The following UTP15 variants were observed in gnomAD, a reference collection of about 807,000 sequenced individuals.
UTP15 encodes UTP15 small subunit processome component, also known as U3 small nucleolar RNA-associated protein 15 homolog.
Under a neutral mutation model 59.1 loss-of-function variants are expected in UTP15, and 5 were observed. That is an observed-to-expected ratio of 0.08 (90% confidence interval 0.04 to 0.18). UTP15 has a LOEUF of 0.18. Among genes scored for constraint, UTP15 ranks in the 10% least tolerant of loss-of-function variants. The pLI is 1.00. For synonymous variants in UTP15, 211 were observed against 212.2 expected (o/e 0.99, Z 0.05); for missense variants, 494 against 616.7 (o/e 0.80, Z 2.11).
intron 7 of UTP15, among the ~76,000 whole-genome samples, chr5:73,574,543 A>C (rs560312540): frequency 7.8e-4 from 118 of 150,694 alleles, no homozygotes; most frequent in Non-Finnish European, 1.4e-3. Context: ...GCTGGAGGGC[A>C]GTGGCATGAT....
Position 73,579,165 on chromosome 5 carries a change from T to C in UTP15, c.1280+15T>C, listed in dbSNP as rs1166592678. ...TTTTTGATAAGGTATGTTTTTTGTC[T>C]GTGAAACACTTACATTTTGCATCTG... On this transcript the variant is annotated intron_variant, in intron 11 of 12. Transcript: ENST00000296792. 3.7e-6 allele frequency: 6 copies of C among 1,612,936 alleles called. No individual in the cohort carries two copies. The highest frequency in any genetic ancestry group is 5.1e-6 in the Non-Finnish European group (6 of 1,179,532).
chr5:73,570,496 C>G, intron 5 of UTP15, 90 bp from the exon 6 acceptor site: 2 of 1,353,012 alleles, frequency 1.5e-6, no homozygotes, highest in African/African-American at 1.5e-5. Context: ...TCCATCTAAG[C>G]TTTTTTTCCT....
At position 73,580,426 on chromosome 5, in the gene UTP15, A is replaced by G. The variant is rs1561281308; in HGVS notation, c.*332A>G. 5.4e-6 allele frequency: 1 copy of G among 185,492 alleles called. No individual in the cohort carries two copies. Among genetic ancestry groups the G allele is most frequent in the Non-Finnish European group, 1.1e-5 (1 of 90,472 alleles). The allele number at this position is 185,492 out of a possible 1,614,324, so 11.5% of individuals were successfully genotyped here. On this transcript the variant is annotated 3_prime_UTR_variant, in exon 13 of 13. Transcript: ENST00000296792. ...TATTCAGATGGGAATTCAAATATGA[A>G]TCCTCTCTGGAGAGGGTCCAACTGG...
intron 7 of UTP15, among the ~76,000 whole-genome samples, chr5:73,575,799 C>T (rs1007422676): frequency 6.0e-5 from 9 of 150,856 alleles, no homozygotes; most frequent in East Asian, 2.0e-4. Context: ...CTCGGCTCAC[C>T]GCACCTTCTG....
At chr5:73,568,398 A>C in intron 3 of UTP15, 22 bp from the exon 4 acceptor site, 1 of 1,602,076 alleles carries the variant, frequency 6.2e-7, no homozygotes, top group Non-Finnish European at 8.5e-7. Flanking sequence ...CATCTGGTGA[A>C]ATACTGTTTT....
At chr5:73,567,763 A>T (rs1374977871) in intron 2 of UTP15, 1 of 193,826 alleles carries the variant, frequency 5.2e-6, no homozygotes, top group Non-Finnish European at 1.0e-5. Flanking sequence ...TGAAAAACCC[A>T]TGTCTATTAG....
intron 2 of UTP15, chr5:73,567,722 A>T (rs1747821499): frequency 4.5e-6 from 1 of 222,038 alleles, no homozygotes; most frequent in African/African-American, 2.3e-5. Context: ...AAAGATGTTT[A>T]TTGAAGTATT....
Position 73,572,504 on chromosome 5 carries a change from A to G in UTP15, c.689A>G (p.Lys230Arg), listed in dbSNP as rs1244083995. Reference protein sequence around the residue: ...LLVSAGGRYVKVWDMLKGGQL... With the variant: ...LLVSAGGRYVRVWDMLKGGQL... ...CTTTTTATAGGAGGTCGTTATGTTA[A>G]AGTCTGGGACATGTTAAAAGGAGGA... Residue 230 changes from lysine (K) to arginine (R), a missense_variant, in exon 7 of 13, where the codon AAA (lysine) becomes AGA (arginine). Physicochemically the swap from Lys to Arg is conservative, Grantham distance 26. Coordinates refer to ENST00000296792, the MANE Select transcript of UTP15 (RefSeq NM_032175.4). 4 of 1,613,294 alleles carry G rather than the reference A, an allele frequency of 2.5e-6. No individual in the cohort carries two copies. The highest frequency in any genetic ancestry group is 3.4e-6 in the Non-Finnish European group (4 of 1,179,764).
chr5:73,569,871 T>C (rs1213178136), intron 5 of UTP15, among the ~76,000 whole-genome samples, 196 bp downstream of exon 5: 1 of 152,198 alleles, frequency 6.6e-6, no homozygotes, highest in Admixed American at 6.5e-5. Flanking sequence ...CTCACTCTGT[T>C]GCCCAGGCTG....
chr5:73,572,703 T>C, intron 7 of UTP15, 79 bp downstream of exon 7: 3 of 1,402,192 alleles, frequency 2.1e-6, no homozygotes, highest in Non-Finnish European at 1.9e-6. Context: ...ATTTCAGCAA[T>C]ATTTGTGATA....
chr5:73,580,114 A>G lies in UTP15; in HGVS notation c.*20A>G, dbSNP rs1033354464. The G allele has an allele frequency of 2.3e-5, 36 of 1,593,722 alleles. No individual in the cohort carries two copies. Among genetic ancestry groups the G allele is most frequent in the Middle Eastern group, 3.3e-4 (2 of 6,012 alleles). On this transcript the variant is annotated 3_prime_UTR_variant, in exon 13 of 13. Coordinates refer to ENST00000296792, the MANE Select transcript of UTP15 (RefSeq NM_032175.4). ...TCATAGTGTCTGCTAAATAAGACAT[A>G]TAAGAACTCTGAAGTTGGAATAGAT...
chr5:73,572,980 T>C (rs1437818355), intron 7 of UTP15, among the ~76,000 whole-genome samples: 1 of 152,058 alleles, frequency 6.6e-6, no homozygotes, highest in Non-Finnish European at 1.5e-5. Flanking sequence ...TTATTTTTAG[T>C]AGAGACGGAG....
chr5:73,571,626 G>A (rs1183974561), intron 6 of UTP15, among the ~76,000 whole-genome samples: 2 of 146,338 alleles, frequency 1.4e-5, no homozygotes, highest in African/African-American at 2.5e-5. Flanking sequence ...CTTTTCCCCA[G>A]TACCTATTTG....
At chr5:73,576,832 T>C in intron 7 of UTP15, 120 bp from the exon 8 acceptor site, 1 of 700,554 alleles carries the variant, frequency 1.4e-6, no homozygotes, top group Non-Finnish European at 2.4e-6. Flanking sequence ...ATTACTAATC[T>C]TTGTTTTTCT....
chr5:73,568,199 G>A (rs771319558), intron 2 of UTP15, 36 bp from the exon 3 acceptor site: 2 of 1,503,420 alleles, frequency 1.3e-6, no homozygotes, highest in Admixed American at 1.9e-5. Context: ...TCTTACCAGT[G>A]GTAACTCTGT....
At chr5:73,570,041 A>G (rs561708726) in intron 5 of UTP15, among the ~76,000 whole-genome samples, 4 of 152,128 alleles carry the variant, frequency 2.6e-5, no homozygotes, top group East Asian at 1.9e-4. Flanking sequence ...CATGTTGCCC[A>G]GGCTGGTCTC....
chr5:73,568,399 A>C (rs1392505768), intron 3 of UTP15, 21 bp from the exon 4 acceptor site: 1 of 1,602,544 alleles, frequency 6.2e-7, no homozygotes, highest in Non-Finnish European at 8.5e-7. Context: ...ATCTGGTGAA[A>C]TACTGTTTTT....
intron 6 of UTP15, 87 bp from the exon 7 acceptor site, chr5:73,572,402 G>A (rs183025791): frequency 1.3e-6 from 2 of 1,536,410 alleles, no homozygotes; most frequent in African/African-American, 1.4e-5. Flanking sequence ...ATGCTTTGTG[G>A]AGTGTCCAGA....
At chr5:73,569,876 A>G (rs1747880876) in intron 5 of UTP15, among the ~76,000 whole-genome samples, 1 of 152,216 alleles carries the variant, frequency 6.6e-6, no homozygotes, top group South Asian at 2.1e-4. Context: ...TCTGTTGCCC[A>G]GGCTGGAGTG....
Sources: allele counts gnomAD v4.1 joint callset (sites outside exome capture counted in the v4.1 genomes callset), GRCh38; gene constraint gnomAD v4.1.1; transcripts MANE v1.5; gene names NCBI Gene and HGNC (gene_info 2026-07-23, HGNC 2026-07-21).